The following NLGN1 variants were observed in gnomAD, a reference collection of about 807,000 sequenced individuals.
The protein encoded by NLGN1 is neuroligin 1, also known as neuroligin-1.
A neutral mutation model predicts 65.5 loss-of-function variants in NLGN1; 12 were observed. That is an observed-to-expected ratio of 0.18 (90% CI 0.12 to 0.30). The LOEUF is 0.30. NLGN1 is among the 10% of genes least tolerant of loss of function. The pLI is 1.00. For synonymous variants in NLGN1, 350 were observed against 359.5 expected, an observed-to-expected ratio of 0.97 and a Z score of 0.30; for missense variants, 750 against 1,007.1, an observed-to-expected ratio of 0.74 and a Z score of 3.46.
chr3:174,072,091 G>T (rs536668301), intron 4 of NLGN1, among the ~76,000 whole-genome samples: 39 of 152,314 alleles, frequency 2.6e-4, no homozygotes, highest in Non-Finnish European at 5.3e-4. Context: ...ATGTTACCTG[G>T]TTGCAGAAAA....
rs1185790163 is a variant in NLGN1 at position 174,156,492 on chromosome 3, A to C, written c.647-118823A>C. ...GAACACTTGGAAACACCTTTCACGC[A>C]ATGACTCTGTATAACTAGTCATTTG... is the stretch of plus-strand genomic sequence containing the variant. On this transcript the variant is annotated intron_variant, in intron 4 of 6. Transcript: ENST00000457714. Among the ~76,000 whole-genome samples the C allele has an allele frequency of 4.0e-5, 6 of 151,814 alleles. No individual in the cohort carries two copies. In the South Asian group the frequency reaches 1.0e-3, roughly 26 times the overall value.
At chr3:173,629,651 G>T (rs1357460533) in intron 3 of NLGN1, among the ~76,000 whole-genome samples, 3 of 152,002 alleles carry the variant, frequency 2.0e-5, no homozygotes, top group Non-Finnish European at 2.9e-5. Context: ...TAGACAAAGG[G>T]CTTTTAGCAA....
chr3:173,430,121 G>T (rs1007474454), intron 1 of NLGN1, among the ~76,000 whole-genome samples: 5 of 152,152 alleles, frequency 3.3e-5, no homozygotes, highest in Admixed American at 3.3e-4. Flanking sequence ...ACTTTTTCCA[G>T]GGTAAAAACT....
At chr3:173,681,015 A>G (rs541336352) in intron 3 of NLGN1, among the ~76,000 whole-genome samples, 1 of 152,240 alleles carries the variant, frequency 6.6e-6, no homozygotes, top group East Asian at 1.9e-4. Flanking sequence ...TGTTAAAACT[A>G]TGTCCTTCAA....
At chr3:173,426,965 T>G (rs2148721341) in intron 1 of NLGN1, among the ~76,000 whole-genome samples, 1 of 152,180 alleles carries the variant, frequency 6.6e-6, no homozygotes, top group East Asian at 1.9e-4. Flanking sequence ...ACGGACTTTC[T>G]TTGTGGAGAT....
intron 4 of NLGN1, among the ~76,000 whole-genome samples, chr3:173,951,175 A>G (rs887207428): frequency 6.6e-6 from 1 of 151,960 alleles, no homozygotes; most frequent in Non-Finnish European, 1.5e-5. Context: ...CCTGTTATTA[A>G]TTATACAAAT....
At chr3:173,531,233 T>C (rs527540362) in intron 2 of NLGN1, among the ~76,000 whole-genome samples, 140 of 152,210 alleles carry the variant, frequency 9.2e-4, no homozygotes, top group Non-Finnish European at 1.5e-3. Context: ...GCCAAGAAAA[T>C]TGGTGAAAAT....
chr3:173,707,439 A>G (rs1169918530), intron 3 of NLGN1, among the ~76,000 whole-genome samples: 1 of 152,210 alleles, frequency 6.6e-6, no homozygotes, highest in East Asian at 1.9e-4. Context: ...CGCAAGTAGT[A>G]ATGAAGAATA....
chr3:173,940,020 C>CTAAAACCTTGA (rs1263474437), intron 4 of NLGN1, among the ~76,000 whole-genome samples: 1 of 143,708 alleles, frequency 7.0e-6, no homozygotes, highest in Non-Finnish European at 1.5e-5. Flanking sequence ...TAGAAACAAA[C>CTAAAACCTTGA]TAAAACCTTG....
chr3:174,108,911 C>G (rs1034527454), intron 4 of NLGN1, among the ~76,000 whole-genome samples: 2 of 152,016 alleles, frequency 1.3e-5, no homozygotes, highest in African/African-American at 4.8e-5. Flanking sequence ...GTCTCTTTCT[C>G]TGTTCTCTCT....
intron 4 of NLGN1, among the ~76,000 whole-genome samples, chr3:174,182,730 T>TC (rs1730684746): frequency 6.6e-6 from 1 of 152,086 alleles, no homozygotes; most frequent in Non-Finnish European, 1.5e-5. Flanking sequence ...TGGAAAACTC[T>TC]CCATGTAAGA....
chr3:173,463,034 A>G (rs1394917714), intron 2 of NLGN1, among the ~76,000 whole-genome samples: 1 of 151,998 alleles, frequency 6.6e-6, no homozygotes, highest in Admixed American at 6.6e-5. Flanking sequence ...TATATAGGAG[A>G]GGCAGGATCT....
At chr3:174,195,691 G>A (rs1005862841) in intron 4 of NLGN1, among the ~76,000 whole-genome samples, 1 of 152,106 alleles carries the variant, frequency 6.6e-6, no homozygotes, top group African/African-American at 2.4e-5. Flanking sequence ...GCTGCTACAT[G>A]CTTCACTAAG....
intron 2 of NLGN1, among the ~76,000 whole-genome samples, chr3:173,524,129 T>C (rs1735241924): frequency 6.6e-6 from 1 of 151,502 alleles, no homozygotes; most frequent in African/African-American, 2.4e-5. Context: ...GGTTTCACCA[T>C]GTTAGCCAGG....
chr3:173,883,643 A>G (rs1460480113), intron 4 of NLGN1, among the ~76,000 whole-genome samples: 1 of 152,040 alleles, frequency 6.6e-6, no homozygotes, highest in African/African-American at 2.4e-5. Context: ...CTGTATATTT[A>G]TGGTGCACAA....
intron 4 of NLGN1, among the ~76,000 whole-genome samples, chr3:173,871,691 T>G (rs1055271142): frequency 1.3e-5 from 2 of 152,194 alleles, no homozygotes; most frequent in African/African-American, 4.8e-5. Flanking sequence ...AACACAGTCT[T>G]GATGATACAT....
chr3:173,498,901 G>A (rs1306923230), intron 2 of NLGN1, among the ~76,000 whole-genome samples: 1 of 151,614 alleles, frequency 6.6e-6, no homozygotes, highest in South Asian at 2.1e-4. Flanking sequence ...TGATGGGGTT[G>A]TTTGTTTTTT....
At chr3:173,564,186 A>C (rs2149307787) in intron 2 of NLGN1, among the ~76,000 whole-genome samples, 1 of 152,312 alleles carries the variant, frequency 6.6e-6, no homozygotes, top group South Asian at 2.1e-4. Context: ...TTCTACTCAA[A>C]AGAAGTTAGC....
At chr3:174,211,282 C>G (rs1315634184) in intron 4 of NLGN1, among the ~76,000 whole-genome samples, 1 of 152,160 alleles carries the variant, frequency 6.6e-6, no homozygotes, top group African/African-American at 2.4e-5. Flanking sequence ...TGGCCCCACC[C>G]ACATCCTGCT....
Sources: gnomAD v4.1 joint callset for allele counts (sites outside exome capture counted in the v4.1 genomes callset) on GRCh38, gnomAD v4.1.1 for gene constraint, MANE v1.5 for transcripts, NCBI Gene and HGNC (gene_info 2026-07-23, HGNC 2026-07-21) for gene names.